The following ANK3 variants were observed in gnomAD, a reference collection of about 807,000 sequenced individuals.
ANK3 encodes the protein ankyrin 3.
ANK3 carries 57 observed loss-of-function variants against 370.9 expected under a neutral mutation model. The observed-to-expected ratio is 0.15, with a 90% confidence interval of 0.12 to 0.19. ANK3 has a LOEUF of 0.19. Among genes scored for constraint, ANK3 ranks in the 10% least tolerant of loss-of-function variants. The pLI, the probability that ANK3 is intolerant of heterozygous loss-of-function variation, is 1.00. For synonymous variants in ANK3, 1,929 were observed against 1,946.3 expected (o/e 0.99, Z 0.23); for missense variants, 4,439 against 5,302.1 (o/e 0.84, Z 5.06).
chr10:60,350,277 A>T (rs2056580183), intron 1 of ANK3, among the ~76,000 whole-genome samples: 1 of 152,210 alleles, frequency 6.6e-6, no homozygotes, highest in African/African-American at 2.4e-5. Context: ...TTTTGGCTTT[A>T]AGGAGACCAG....
At chr10:60,436,059 G>T (rs1044414554) in intron 2 of ANK3, among the ~76,000 whole-genome samples, 1 of 149,888 alleles carries the variant, frequency 6.7e-6, no homozygotes, top group African/African-American at 2.5e-5. Flanking sequence ...CAGCACTCCC[G>T]CCTGGGCGAC....
intron 2 of ANK3, among the ~76,000 whole-genome samples, chr10:60,495,519 A>C (rs1243951839): frequency 6.6e-6 from 1 of 152,190 alleles, no homozygotes; most frequent in Non-Finnish European, 1.5e-5. Flanking sequence ...CATCATTCAC[A>C]AAAGCTAGTC....
intron 18 of ANK3, among the ~76,000 whole-genome samples, chr10:60,174,507 T>A (rs2095873688): frequency 1.4e-5 from 2 of 143,178 alleles, no homozygotes; most frequent in African/African-American, 2.7e-5. Context: ...TTGAAAATAA[T>A]GTGTCCAATC....
At chr10:60,600,090 C>T (rs776405214) in intron 2 of ANK3, among the ~76,000 whole-genome samples, 15 of 152,082 alleles carry the variant, frequency 9.9e-5, no homozygotes, top group Non-Finnish European at 1.9e-4. Flanking sequence ...AAATGACTTG[C>T]CTAAAATTAT....
chr10:60,681,923 C>A (rs75559581), intron 1 of ANK3, among the ~76,000 whole-genome samples: 7,873 of 152,076 alleles, frequency 0.052, 283 homozygotes, highest in African/African-American at 0.085. Flanking sequence ...ACACCAGGGC[C>A]GGAGAATCAC....
In ANK3 at chr10:60,074,149, A is replaced by G. The variant is rs1324530437; in HGVS notation, c.6732T>C (p.Thr2244=). Reference sequence around the variant, plus strand: ...CCATTCTGGTGGTTGTGGTTATGTGAGTCTCTTCTTTAACACGCATGCCTT... The same window carrying G: ...CCATTCTGGTGGTTGTGGTTATGTGGGTCTCTTCTTTAACACGCATGCCTT... ...LSKGMRVKEE[T]HITTTTRMVY... is the part of the protein sequence containing the mutation. The change falls in exon 37 of 44, where the codon ACT becomes ACC. Residue 2244 remains threonine (T), a synonymous_variant. Coordinates refer to ENST00000280772, the MANE Select transcript of ANK3 (RefSeq NM_020987.5). 6.2e-7 allele frequency: 1 copy of G among 1,613,890 alleles called. No individual in the cohort carries two copies. The highest frequency in any genetic ancestry group is 1.7e-5 in the Admixed American group (1 of 59,974).
chr10:60,395,081 G>T (rs2063189043), intron 2 of ANK3, among the ~76,000 whole-genome samples: 1 of 152,118 alleles, frequency 6.6e-6, no homozygotes, highest in Admixed American at 6.5e-5. Context: ...ATTCAATTCA[G>T]ATACTAGAAC....
intron 8 of ANK3, among the ~76,000 whole-genome samples, chr10:60,230,294 A>G (rs2132521659): frequency 6.6e-6 from 1 of 152,346 alleles, no homozygotes; most frequent in South Asian, 2.1e-4. Context: ...AATTCAGTGG[A>G]AAGAAATAGG....
chr10:60,682,687 C>G (rs1205524674), intron 1 of ANK3, among the ~76,000 whole-genome samples: 2 of 152,276 alleles, frequency 1.3e-5, no homozygotes, highest in South Asian at 4.1e-4. Flanking sequence ...CATGAAAACT[C>G]AACAGAACTG....
intron 2 of ANK3, among the ~76,000 whole-genome samples, chr10:60,426,207 T>C (rs2063883820): frequency 6.6e-6 from 1 of 152,102 alleles, no homozygotes; most frequent in Non-Finnish European, 1.5e-5. Flanking sequence ...GCTTCCAGTT[T>C]GGCCAATAAA....
chr10:60,335,764 G>T (rs139842221), intron 1 of ANK3, among the ~76,000 whole-genome samples: 108 of 152,250 alleles, frequency 7.1e-4, no homozygotes, highest in African/African-American at 2.6e-3. Flanking sequence ...TAGTATAATT[G>T]ATTTGTAAAT....
intron 26 of ANK3, among the ~76,000 whole-genome samples, chr10:60,113,340 C>T (rs2092846366): frequency 1.3e-5 from 2 of 152,112 alleles, no homozygotes; most frequent in African/African-American, 4.8e-5. Context: ...GAAAATCACA[C>T]AAATCATTTA....
intron 2 of ANK3, among the ~76,000 whole-genome samples, chr10:60,525,343 T>C (rs975043630): frequency 6.6e-6 from 1 of 152,154 alleles, no homozygotes; most frequent in African/African-American, 2.4e-5. Flanking sequence ...AGAAAATCCA[T>C]GTAAATGCTC....
At chr10:60,722,054 T>C (rs1157231663) in intron 1 of ANK3, among the ~76,000 whole-genome samples, 2 of 146,826 alleles carry the variant, frequency 1.4e-5, no homozygotes, top group Non-Finnish European at 2.9e-5. Flanking sequence ...TGATCAGTTA[T>C]ACACATTGAG....
At chr10:60,535,683 C>T (rs946111960) in intron 2 of ANK3, among the ~76,000 whole-genome samples, 2 of 151,992 alleles carry the variant, frequency 1.3e-5, no homozygotes, top group African/African-American at 4.8e-5. Flanking sequence ...ATTCCCCTCA[C>T]AGGGCAAATA....
At chr10:60,331,410 GAAAA>G (rs200126631) in intron 1 of ANK3, among the ~76,000 whole-genome samples, 1 of 150,776 alleles carries the variant, frequency 6.6e-6, no homozygotes, top group Non-Finnish European at 1.5e-5. Context: ...CAGAAGATTG[GAAAA>G]AAAACAAAAC....
chr10:60,541,808 A>G (rs950162101), intron 2 of ANK3, among the ~76,000 whole-genome samples: 2 of 151,950 alleles, frequency 1.3e-5, no homozygotes, highest in African/African-American at 4.8e-5. Flanking sequence ...CAAAAAGCTA[A>G]ATTGGGAAAT....
At position 60,439,803 on chromosome 10, in the gene ANK3, T is replaced by A. The variant is rs61847580; in HGVS notation, c.97-160164A>T. Among the ~76,000 whole-genome samples, 886 of 152,332 alleles carry A rather than the reference T, an allele frequency of 5.8e-3. 7 individuals are homozygous for A. The highest frequency in any genetic ancestry group is 0.02 in the Middle Eastern group (6 of 294). ...TGAGAAATAAAAGCATTGCTTCCAA[T>A]GACATCTGAAGTTCTTGGATCTCTG... On this transcript the variant is annotated intron_variant, in intron 2 of 43. Coordinates refer to the ANK3 transcript ENST00000373827.
At chr10:60,383,501 T>A (rs1366795592) in intron 1 of ANK3, among the ~76,000 whole-genome samples, 3 of 152,116 alleles carry the variant, frequency 2.0e-5, no homozygotes, top group Non-Finnish European at 4.4e-5. Flanking sequence ...ACACTCTTAA[T>A]CATTACATGA....
Sources: allele counts gnomAD v4.1 joint callset (sites outside exome capture counted in the v4.1 genomes callset), GRCh38; gene constraint gnomAD v4.1.1; transcripts MANE v1.5; gene names NCBI Gene and HGNC (gene_info 2026-07-23, HGNC 2026-07-21).